The following PEMT variants were observed in gnomAD, a reference collection of about 807,000 sequenced individuals.
The protein encoded by PEMT is phosphatidylethanolamine N-methyltransferase.
Under a neutral mutation model 27.4 loss-of-function variants are expected in PEMT, and 23 were observed. The ratio of observed to expected loss-of-function variants is 0.84; its 90% CI spans 0.60 to 1.19. The LOEUF is 1.19. Ranked by LOEUF, PEMT falls within the 50% of genes most tolerant of loss-of-function variation. The pLI is 0.00. For synonymous variants in PEMT, 137 were observed against 139.1 expected (o/e 0.98, Z 0.11); for missense variants, 307 against 310.1 (o/e 0.99, Z 0.07).
intron 1 of PEMT, among the ~76,000 whole-genome samples, chr17:17,588,759 C>T (rs1194720024): frequency 6.6e-6 from 1 of 152,220 alleles, no homozygotes; most frequent in East Asian, 1.9e-4. Flanking sequence ...CCTGGAGGTG[C>T]CCCGGCCTGT....
intron 3 of PEMT, among the ~76,000 whole-genome samples, chr17:17,515,664 G>A (rs1459189773): frequency 6.6e-6 from 1 of 152,196 alleles, no homozygotes; most frequent in African/African-American, 2.4e-5. Flanking sequence ...GCAATCGACA[G>A]TGTTCTAGCT....
intron 3 of PEMT, among the ~76,000 whole-genome samples, chr17:17,516,732 C>G (rs1906864971): frequency 6.6e-6 from 1 of 152,136 alleles, no homozygotes. Context: ...CTACCAGGGC[C>G]TGGACCCACT....
intron 1 of PEMT, among the ~76,000 whole-genome samples, chr17:17,577,692 C>T (rs1173082892): frequency 6.6e-6 from 1 of 151,802 alleles, no homozygotes; most frequent in Non-Finnish European, 1.5e-5. Flanking sequence ...ACCCACGGCC[C>T]ATTCCTACAG....
At chr17:17,569,816 C>G (rs1285229342) in intron 2 of PEMT, among the ~76,000 whole-genome samples, 2 of 152,196 alleles carry the variant, frequency 1.3e-5, no homozygotes, top group Non-Finnish European at 2.9e-5. Context: ...AGCTGCTGTG[C>G]CTCCCATGCT....
chr17:17,574,548 T>C (rs1911450627), intron 2 of PEMT, among the ~76,000 whole-genome samples: 1 of 152,304 alleles, frequency 6.6e-6, no homozygotes, highest in African/African-American at 2.4e-5. Flanking sequence ...CTCGAACTCC[T>C]GACCTCAGGT....
At chr17:17,559,005 C>T (rs536529268) in intron 2 of PEMT, among the ~76,000 whole-genome samples, 5 of 152,340 alleles carry the variant, frequency 3.3e-5, no homozygotes, top group Admixed American at 2.6e-4. Context: ...TCTCTGCATC[C>T]CTGCCATGGT....
chr17:17,538,047 C>T (rs1183223011), intron 2 of PEMT, among the ~76,000 whole-genome samples: 4 of 152,220 alleles, frequency 2.6e-5, no homozygotes, highest in African/African-American at 7.2e-5. Flanking sequence ...ATGGCATGCC[C>T]GTCCTTGCTG....
intron 2 of PEMT, among the ~76,000 whole-genome samples, chr17:17,568,891 A>G (rs1042334511): frequency 6.6e-6 from 1 of 152,060 alleles, no homozygotes; most frequent in South Asian, 2.1e-4. Flanking sequence ...CCTTGCCCAC[A>G]GCGCCACCTA....
At chr17:17,506,708 T>A (rs971976071) in intron 5 of PEMT, among the ~76,000 whole-genome samples, 7 of 152,168 alleles carry the variant, frequency 4.6e-5, no homozygotes, top group African/African-American at 1.4e-4. Context: ...GAAACCATGC[T>A]CTGAGGAACA....
intron 1 of PEMT, among the ~76,000 whole-genome samples, chr17:17,590,897 C>T (rs1408877980): frequency 6.6e-6 from 1 of 152,204 alleles, no homozygotes; most frequent in East Asian, 1.9e-4. Flanking sequence ...GCAGCCTCAG[C>T]AGGCAAGCCA....
At chr17:17,566,836 G>A (rs1910859598) in intron 2 of PEMT, among the ~76,000 whole-genome samples, 1 of 152,222 alleles carries the variant, frequency 6.6e-6, no homozygotes, top group Non-Finnish European at 1.5e-5. Flanking sequence ...CACCAGCCGG[G>A]TCCACAGAAA....
At position 17,506,222 on chromosome 17, in the gene PEMT, C is replaced by G. The variant is rs1234427058; in HGVS notation, c.653+5G>C. The stretch of plus-strand genomic sequence containing the variant: ...ACGCCCCCACCCGCCGCAGCCCCTA[C>G]TCACTCTTCGTATAGGAGAGCCACT... On this transcript the variant is annotated splice_donor_5th_base_variant and intron_variant, in intron 6 of 6. Coordinates refer to ENST00000255389, the MANE Select transcript of PEMT (RefSeq NM_148172.3). The G allele has an allele frequency of 1.3e-5, 20 of 1,563,012 alleles. No individual in the cohort carries two copies. Among genetic ancestry groups the G allele is most frequent in the Non-Finnish European group, 1.7e-5 (20 of 1,151,368 alleles).
At chr17:17,576,167 C>T (rs1377588836) in intron 2 of PEMT, among the ~76,000 whole-genome samples, 1 of 152,036 alleles carries the variant, frequency 6.6e-6, no homozygotes, top group Non-Finnish European at 1.5e-5. Flanking sequence ...GGAGAGCGGG[C>T]CAGGAACCCC....
At chr17:17,572,987 G>A (rs758849221) in intron 2 of PEMT, among the ~76,000 whole-genome samples, 6 of 151,892 alleles carry the variant, frequency 4.0e-5, no homozygotes, top group African/African-American at 7.3e-5. Flanking sequence ...TCAGGAGTTC[G>A]ACACCAGCCT....
intron 2 of PEMT, among the ~76,000 whole-genome samples, chr17:17,564,989 G>A (rs968688945): frequency 3.9e-5 from 6 of 152,182 alleles, no homozygotes; most frequent in Non-Finnish European, 8.8e-5. Context: ...GCAGCTGCCT[G>A]GAACCTCTTG....
At chr17:17,538,343 T>G (rs1908637369) in intron 2 of PEMT, among the ~76,000 whole-genome samples, 2 of 152,086 alleles carry the variant, frequency 1.3e-5, no homozygotes, top group Non-Finnish European at 2.9e-5. Context: ...AAAATATATA[T>G]CTAAAAATTT....
At chr17:17,581,374 C>G (rs75998973) in intron 1 of PEMT, among the ~76,000 whole-genome samples, 6,671 of 152,158 alleles carry the variant, frequency 0.044, 482 homozygotes, top group African/African-American at 0.15. Context: ...AGCCTACTTT[C>G]CAGATAAAAG....
At chr17:17,520,656 G>A (rs2142537042) in intron 3 of PEMT, among the ~76,000 whole-genome samples, 1 of 152,344 alleles carries the variant, frequency 6.6e-6, no homozygotes, top group Admixed American at 6.5e-5. Flanking sequence ...GGGGTGAAAA[G>A]CCCTCTCTGG....
intron 1 of PEMT, among the ~76,000 whole-genome samples, chr17:17,590,742 G>C (rs1439463898): frequency 6.6e-6 from 1 of 152,244 alleles, no homozygotes; most frequent in African/African-American, 2.4e-5. Context: ...TGAAGAGTGG[G>C]TGATGAAAAA....
Sources: allele counts gnomAD v4.1 joint callset (sites outside exome capture counted in the v4.1 genomes callset), GRCh38; gene constraint gnomAD v4.1.1; transcripts MANE v1.5; gene names NCBI Gene and HGNC (gene_info 2026-07-23, HGNC 2026-07-21).